Variants in ERC2 observed in about 807,000 individuals in gnomAD.
The protein encoded by ERC2 is ELKS/RAB6-interacting/CAST family member 2.
In ERC2, 42 loss-of-function variants were observed where a neutral mutation model predicts 114.8. The observed-to-expected ratio is 0.37, with a 90% CI of 0.29 to 0.47. The LOEUF (loss-of-function observed/expected upper bound fraction) is 0.47, where lower values mean the gene tolerates loss of function less well. ERC2 is among the 20% of genes least tolerant of loss of function. The pLI is 0.99. For synonymous variants in ERC2, 454 were observed against 425.5 expected, an observed-to-expected ratio of 1.07 and a Z score of -0.82; for missense variants, 939 against 1,150.7, an observed-to-expected ratio of 0.82 and a Z score of 2.66.
intron 14 of ERC2, among the ~76,000 whole-genome samples, chr3:55,857,521 T>C (rs572970669): frequency 3.3e-4 from 50 of 152,150 alleles, no homozygotes; most frequent in Non-Finnish European, 5.6e-4. Flanking sequence ...TCTAAAACTT[T>C]TTATCACCTC....
At chr3:55,547,859 C>T (rs983032748) in intron 17 of ERC2, among the ~76,000 whole-genome samples, 1 of 152,204 alleles carries the variant, frequency 6.6e-6, no homozygotes, top group Non-Finnish European at 1.5e-5. Flanking sequence ...AAGCAGCAGA[C>T]GTAAGGTCAC....
At chr3:56,145,830 C>T (rs1256927881) in intron 5 of ERC2, among the ~76,000 whole-genome samples, 1 of 152,136 alleles carries the variant, frequency 6.6e-6, no homozygotes, top group Admixed American at 6.5e-5. Flanking sequence ...TTCAAGAGAC[C>T]CTACCAATTC....
chr3:55,654,880 T>C (rs927012485), intron 17 of ERC2, among the ~76,000 whole-genome samples: 8 of 152,224 alleles, frequency 5.3e-5, no homozygotes, highest in African/African-American at 1.4e-4. Flanking sequence ...CTGTCTCTCA[T>C]TGACACTGTG....
intron 6 of ERC2, among the ~76,000 whole-genome samples, chr3:56,136,123 G>A (rs187192636): frequency 3.9e-5 from 6 of 152,212 alleles, no homozygotes; most frequent in South Asian, 2.1e-4. Flanking sequence ...CCACATAGCC[G>A]CAAACCGAGA....
intron 13 of ERC2, among the ~76,000 whole-genome samples, chr3:55,910,752 G>A (rs999601422): frequency 5.9e-5 from 9 of 152,170 alleles, no homozygotes; most frequent in African/African-American, 2.2e-4. Flanking sequence ...GACACAAAGA[G>A]GTTAAGCAAC....
At chr3:56,134,034 G>C (rs2080353418) in intron 6 of ERC2, among the ~76,000 whole-genome samples, 1 of 152,140 alleles carries the variant, frequency 6.6e-6, no homozygotes. Context: ...TCAAGAAGGA[G>C]AACCAAGTTG....
chr3:55,878,206 T>C (rs1413556059), intron 14 of ERC2, among the ~76,000 whole-genome samples: 2 of 152,196 alleles, frequency 1.3e-5, no homozygotes, highest in African/African-American at 4.8e-5. Context: ...ACTATACTTC[T>C]CTAGCTCAGA....
chr3:56,240,407 G>T (rs1427507162), intron 3 of ERC2, among the ~76,000 whole-genome samples: 1 of 152,100 alleles, frequency 6.6e-6, no homozygotes, highest in African/African-American at 2.4e-5. Context: ...TTTTAAAAAA[G>T]CATTTTCAAT....
rs369320660 is a variant in ERC2 at position 55,992,217 on chromosome 3, G to A, written c.2095C>T (p.Pro699Ser). 1.2e-6 allele frequency: 2 copies of A among 1,613,398 alleles called. No individual in the cohort carries two copies. Among genetic ancestry groups the A allele is most frequent in the Non-Finnish European group, 1.7e-6 (2 of 1,179,734 alleles). ...HNIEDDSRMNPEFADQIKQLD... is the reference protein window; with the variant it reads ...HNIEDDSRMNSEFADQIKQLD... Reference sequence around the variant, plus strand: ...TGTTTTATTTGGTCTGCAAACTCAGGGTTCATCCTGGAGTCATCTTCAATA... The same window carrying A: ...TGTTTTATTTGGTCTGCAAACTCAGAGTTCATCCTGGAGTCATCTTCAATA... Residue 699 changes from proline (P) to serine (S), a missense_variant, in exon 11 of 18, where the codon CCT (proline) becomes TCT (serine). Pro to Ser is a moderately conservative substitution (Grantham distance 74). Around this residue, in one of 5 missense-constraint regions of ERC2, gnomAD observed 328 missense variants for 353.9 expected, o/e 0.93. Coordinates refer to ENST00000288221, the MANE Select transcript of ERC2 (RefSeq NM_015576.3).
intron 14 of ERC2, among the ~76,000 whole-genome samples, chr3:55,878,960 T>C (rs1426063340): frequency 6.6e-6 from 1 of 152,186 alleles, no homozygotes; most frequent in East Asian, 1.9e-4. Context: ...ATATATTTAA[T>C]AACCTAAGAG....
chr3:55,891,192 G>A (rs572740705), intron 13 of ERC2, among the ~76,000 whole-genome samples: 1 of 152,090 alleles, frequency 6.6e-6, no homozygotes, highest in Non-Finnish European at 1.5e-5. Context: ...GTCATTTCCA[G>A]GTAGAAACAT....
intron 13 of ERC2, among the ~76,000 whole-genome samples, chr3:55,901,344 G>C (rs545009038): frequency 6.6e-6 from 1 of 152,152 alleles, no homozygotes; most frequent in Admixed American, 6.5e-5. Flanking sequence ...TCTCCACTTA[G>C]AGTCTCATAA....
chr3:56,344,795 A>G (rs2058242191), intron 2 of ERC2, among the ~76,000 whole-genome samples: 1 of 152,172 alleles, frequency 6.6e-6, no homozygotes, highest in Non-Finnish European at 1.5e-5. Flanking sequence ...ACAGATCACA[A>G]TAGTTTATCT....
chr3:56,363,617 T>C (rs2059041015), intron 2 of ERC2, among the ~76,000 whole-genome samples: 2 of 152,186 alleles, frequency 1.3e-5, no homozygotes, highest in African/African-American at 4.8e-5. Flanking sequence ...AAAGGGTGAA[T>C]ACAGAGTGAC....
At chr3:55,557,343 A>G (rs56219800) in intron 17 of ERC2, among the ~76,000 whole-genome samples, 66 of 152,260 alleles carry the variant, frequency 4.3e-4, no homozygotes, top group African/African-American at 1.6e-3. Flanking sequence ...AAGGGCAGAC[A>G]TCAGGAATTC....
chr3:56,236,597 G>T (rs2050963616), intron 3 of ERC2, among the ~76,000 whole-genome samples: 1 of 152,120 alleles, frequency 6.6e-6, no homozygotes, highest in African/African-American at 2.4e-5. Context: ...GCTGCTGAAG[G>T]CCAAGGTTTT....
intron 6 of ERC2, among the ~76,000 whole-genome samples, chr3:56,113,466 GC>G (rs2079068208): frequency 6.6e-6 from 1 of 152,142 alleles, no homozygotes; most frequent in Non-Finnish European, 1.5e-5. Flanking sequence ...ATGATTTAAT[GC>G]CCACATATGG....
chr3:56,101,238 T>C (rs2078337480), intron 6 of ERC2, among the ~76,000 whole-genome samples: 1 of 152,180 alleles, frequency 6.6e-6, no homozygotes, highest in Non-Finnish European at 1.5e-5. Flanking sequence ...CCGTAACTCA[T>C]ATCACACCTC....
rs1204127763 is a variant in ERC2, at chr3:55,683,796, C to T, written c.*37G>A. Reference sequence around the variant, plus strand: ...TGATATAAAAGATGGTTTCTCACCCCTCAAAACAAAACTGGAACTTTGGTT... The same window carrying T: ...TGATATAAAAGATGGTTTCTCACCCTTCAAAACAAAACTGGAACTTTGGTT... On this transcript the variant is annotated splice_region_variant and 3_prime_UTR_variant, in exon 17 of 18. Coordinates refer to ENST00000288221, the MANE Select transcript of ERC2 (RefSeq NM_015576.3). 2 of 1,611,082 alleles carry T rather than the reference C, an allele frequency of 1.2e-6. No individual in the cohort carries two copies. The highest frequency in any genetic ancestry group is 1.3e-5 in the African/African-American group (1 of 74,678).
Sources: gnomAD v4.1 joint callset for allele counts (sites outside exome capture counted in the v4.1 genomes callset) on GRCh38, gnomAD v4.1.1 for gene constraint, gnomAD v4.1.1 regional missense constraint, MANE v1.5 for transcripts, NCBI Gene and HGNC (gene_info 2026-07-23, HGNC 2026-07-21) for gene names.